FHOD3: variants seen among roughly 807,000 people sequenced by gnomAD.
The protein encoded by FHOD3 is FH1/FH2 domain-containing protein 3.
Under a neutral mutation model 173.0 loss-of-function variants are expected in FHOD3, and 90 were observed. That is an observed-to-expected ratio of 0.52 (90% CI 0.44 to 0.62). The LOEUF is 0.62. FHOD3 is among the 20% of genes least tolerant of loss of function. The probability of loss-of-function intolerance (pLI) is 0.00; values close to 1 mark genes in which losing one functional copy is unlikely to be tolerated. For missense variants in FHOD3, 1,945 were observed against 2,034.7 expected (o/e 0.96, Z 0.85); for synonymous variants, 828 against 823.0 (o/e 1.01, Z -0.10).
intron 25 of FHOD3, among the ~76,000 whole-genome samples, chr18:36,757,442 G>T (rs572462551): frequency 3.3e-5 from 5 of 152,272 alleles, no homozygotes; most frequent in African/African-American, 1.2e-4. Context: ...ATAAAGAAAA[G>T]CTTATATCCC....
At chr18:36,469,048 G>A (rs952686661) in intron 3 of FHOD3, among the ~76,000 whole-genome samples, 6 of 152,136 alleles carry the variant, frequency 3.9e-5, no homozygotes, top group Non-Finnish European at 8.8e-5. Context: ...AGTAATACAA[G>A]TCTTGATTAG....
At position 36,405,878 on chromosome 18, in the gene FHOD3, G is replaced by C. The variant is rs145237203; in HGVS notation, c.337+33134G>C. Among the ~76,000 whole-genome samples the C allele has an allele frequency of 8.6e-3, 1,308 of 152,212 alleles. 12 individuals carry two copies. Among genetic ancestry groups the C allele is most frequent in the Non-Finnish European group, 0.014 (961 of 67,996 alleles). On this transcript the variant is annotated intron_variant, in intron 3 of 28. Transcript: ENST00000590592. ...CCCCTTTGTCGGTTAAATGAAGTGA[G>C]GCTCTGTTTCTATTTAAAACATGGC... is the stretch of plus-strand genomic sequence containing the variant.
At chr18:36,442,559 G>A (rs1290099068) in intron 3 of FHOD3, among the ~76,000 whole-genome samples, 1 of 152,090 alleles carries the variant, frequency 6.6e-6, no homozygotes, top group African/African-American at 2.4e-5. Context: ...GGATTTAGTG[G>A]AATCATTTTA....
intron 1 of FHOD3, among the ~76,000 whole-genome samples, chr18:36,337,749 G>A (rs2045396618): frequency 6.6e-6 from 1 of 152,154 alleles, no homozygotes; most frequent in Non-Finnish European, 1.5e-5. Context: ...GGAGTACAGG[G>A]ACCAGTCTTT....
intron 28 of FHOD3, among the ~76,000 whole-genome samples, chr18:36,774,083 T>C (rs1048442080): frequency 6.6e-6 from 1 of 152,224 alleles, no homozygotes; most frequent in African/African-American, 2.4e-5. Context: ...AGAAAACAAT[T>C]GGCAGAACTT....
intron 5 of FHOD3, among the ~76,000 whole-genome samples, chr18:36,532,945 C>A (rs1384367511): frequency 6.6e-6 from 1 of 152,238 alleles, no homozygotes; most frequent in Non-Finnish European, 1.5e-5. Context: ...GTTTGATTGA[C>A]TTGCTGTCCC....
chr18:36,533,205 C>T (rs1300753930), intron 5 of FHOD3, among the ~76,000 whole-genome samples: 1 of 152,242 alleles, frequency 6.6e-6, no homozygotes, highest in African/African-American at 2.4e-5. Context: ...GGCACAGTTT[C>T]CTCATCTGCA....
chr18:36,302,596 G>T (rs950974915), intron 1 of FHOD3, among the ~76,000 whole-genome samples: 1 of 152,188 alleles, frequency 6.6e-6, no homozygotes, highest in African/African-American at 2.4e-5. Context: ...TGTTTCCCTC[G>T]AAGCTAAGTA....
chr18:36,775,228 G>A (rs1021424425), intron 28 of FHOD3, among the ~76,000 whole-genome samples: 1 of 152,116 alleles, frequency 6.6e-6, no homozygotes, highest in Non-Finnish European at 1.5e-5. Flanking sequence ...ACCAAAAAAC[G>A]ATTTTCAAAT....
chr18:36,706,623 T>C (rs1017692918), intron 17 of FHOD3, among the ~76,000 whole-genome samples: 1 of 152,170 alleles, frequency 6.6e-6, no homozygotes, highest in Non-Finnish European at 1.5e-5. Context: ...AACATGGCAG[T>C]GCACACCCGC....
chr18:36,724,321 C>T (rs558674120), intron 19 of FHOD3, among the ~76,000 whole-genome samples: 31 of 152,332 alleles, frequency 2.0e-4, no homozygotes, highest in African/African-American at 6.7e-4. Flanking sequence ...TTCTGCCCCA[C>T]GGAGTGGCTG....
chr18:36,777,198 C>CTTTTT (rs11294880), intron 28 of FHOD3, among the ~76,000 whole-genome samples: 158 of 108,738 alleles, frequency 1.5e-3, no homozygotes, highest in Non-Finnish European at 1.6e-3. Flanking sequence ...TCTTCTTTTT[C>CTTTTT]TTTTTTTTTT....
At chr18:36,331,160 A>G (rs2044986503) in intron 1 of FHOD3, among the ~76,000 whole-genome samples, 2 of 152,174 alleles carry the variant, frequency 1.3e-5, no homozygotes, top group Admixed American at 1.3e-4. Context: ...ATAACATACA[A>G]ATAATTTTCT....
At chr18:36,516,150 A>C (rs758625370) in intron 5 of FHOD3, among the ~76,000 whole-genome samples, 76 of 152,040 alleles carry the variant, frequency 5.0e-4, no homozygotes, top group Non-Finnish European at 9.9e-4. Context: ...GCTGGCAGCC[A>C]CTGGACATTT....
At chr18:36,501,376 G>C (rs1187246570) in intron 3 of FHOD3, among the ~76,000 whole-genome samples, 1 of 152,176 alleles carries the variant, frequency 6.6e-6, no homozygotes, top group Non-Finnish European at 1.5e-5. Context: ...TGCTGCCTAG[G>C]GAACCCTAGG....
chr18:36,418,198 AT>A (rs1406290114), intron 3 of FHOD3, among the ~76,000 whole-genome samples: 1 of 152,220 alleles, frequency 6.6e-6, no homozygotes, highest in Non-Finnish European at 1.5e-5. Context: ...AGACAAACAT[AT>A]CCATTTCTGA....
chr18:36,437,665 C>CTTTTTTTTTTTTTTTTT (rs1555704498), intron 3 of FHOD3, among the ~76,000 whole-genome samples: 1 of 69,466 alleles, frequency 1.4e-5, no homozygotes. Flanking sequence ...TTCTTTCTTT[C>CTTTTTTTTTTTTTTTTT]TTTTTTTTTT....
intron 18 of FHOD3, chr18:36,709,656 C>T (rs114273306): frequency 2.8e-4 from 121 of 435,230 alleles, no homozygotes; most frequent in African/African-American, 2.1e-3. Flanking sequence ...AAAAGGGCCC[C>T]GATAAGGAGG....
intron 1 of FHOD3, among the ~76,000 whole-genome samples, chr18:36,315,396 T>C (rs770106097): frequency 4.6e-5 from 7 of 152,088 alleles, no homozygotes; most frequent in Non-Finnish European, 1.0e-4. Context: ...CCAGATTTGC[T>C]CCCTGTGACC....
Sources: gnomAD v4.1 joint callset for allele counts (sites outside exome capture counted in the v4.1 genomes callset) on GRCh38, gnomAD v4.1.1 for gene constraint, MANE v1.5 for transcripts, NCBI Gene and HGNC (gene_info 2026-07-23, HGNC 2026-07-21) for gene names.